Variants in HS3ST4 observed in about 807,000 individuals in gnomAD.
HS3ST4 encodes the protein heparan sulfate-glucosamine 3-sulfotransferase 4.
HS3ST4 carries 17 observed loss-of-function variants against 29.2 expected under a neutral mutation model. The ratio of observed to expected loss-of-function variants is 0.58; its 90% CI spans 0.40 to 0.87. The LOEUF is 0.87. Among genes scored for constraint, HS3ST4 ranks in the 40% least tolerant of loss-of-function variants. The pLI is 0.00. For synonymous variants in HS3ST4, 314 were observed against 285.7 expected, an observed-to-expected ratio of 1.10 and a Z score of -1.00; for missense variants, 627 against 634.5, an observed-to-expected ratio of 0.99 and a Z score of 0.13.
At chr16:25,765,356 C>T (rs1267060646) in intron 1 of HS3ST4, among the ~76,000 whole-genome samples, 1 of 152,170 alleles carries the variant, frequency 6.6e-6, no homozygotes, top group Non-Finnish European at 1.5e-5. Flanking sequence ...TTCAGATTGT[C>T]AAGACCCAAT....
chr16:25,877,514 G>T (rs1967844880), intron 1 of HS3ST4, among the ~76,000 whole-genome samples: 1 of 152,140 alleles, frequency 6.6e-6, no homozygotes, highest in African/African-American at 2.4e-5. Flanking sequence ...TTTGTTTCAT[G>T]ATGCTCCAGA....
intron 1 of HS3ST4, among the ~76,000 whole-genome samples, chr16:25,909,185 CTTTTTCT>C (rs1200966469): frequency 3.9e-5 from 6 of 152,082 alleles, no homozygotes; most frequent in Non-Finnish European, 8.8e-5. Flanking sequence ...TTCTGCATTT[CTTTTTCT>C]TTTTTCTTTT....
At chr16:26,051,078 A>C (rs1898336600) in intron 1 of HS3ST4, among the ~76,000 whole-genome samples, 1 of 152,146 alleles carries the variant, frequency 6.6e-6, no homozygotes, top group South Asian at 2.1e-4. Flanking sequence ...TGGTGGATTA[A>C]TACAGTGCAG....
chr16:25,795,264 C>T (rs1487787305), intron 1 of HS3ST4, among the ~76,000 whole-genome samples: 1 of 152,128 alleles, frequency 6.6e-6, no homozygotes, highest in African/African-American at 2.4e-5. Flanking sequence ...AGCCACCGCA[C>T]CTGGCCCCCC....
At position 25,729,023 on chromosome 16, in the gene HS3ST4, C is replaced by A. The variant is rs1345044237; in HGVS notation, c.734+35872C>A. Among the ~76,000 whole-genome samples the A allele has an allele frequency of 8.6e-5, 13 of 151,814 alleles. 1 individual carries two copies. The highest frequency in any genetic ancestry group is 8.5e-4 in the Admixed American group (13 of 15,244). On this transcript the variant is annotated intron_variant, in intron 1 of 1. Transcript: ENST00000331351. The stretch of plus-strand genomic sequence containing the variant: ...TCTTGAGCCCAGGAGTTTGAGACTG[C>A]AGTGAGCTATGACTGCACCACTGCA...
chr16:25,952,885 T>C (rs767685020), intron 1 of HS3ST4, among the ~76,000 whole-genome samples: 49 of 151,120 alleles, frequency 3.2e-4, no homozygotes, highest in Non-Finnish European at 4.7e-4. Flanking sequence ...CCTGAAATTC[T>C]ATGAGTTTGC....
chr16:26,080,386 C>T (rs565281747), intron 1 of HS3ST4, among the ~76,000 whole-genome samples: 3 of 152,176 alleles, frequency 2.0e-5, no homozygotes, highest in South Asian at 2.1e-4. Context: ...AGCCTGAGGA[C>T]GGACAGATCA....
At chr16:25,897,504 C>T (rs556528535) in intron 1 of HS3ST4, among the ~76,000 whole-genome samples, 28 of 152,308 alleles carry the variant, frequency 1.8e-4, no homozygotes, top group African/African-American at 4.8e-4. Flanking sequence ...TGGACACAGA[C>T]GGGCTGGCTA....
chr16:25,976,779 A>G (rs1469863993), intron 1 of HS3ST4, among the ~76,000 whole-genome samples: 1 of 152,128 alleles, frequency 6.6e-6, no homozygotes, highest in Non-Finnish European at 1.5e-5. Flanking sequence ...GATAATACAT[A>G]TTATTGGCTT....
At chr16:25,996,110 C>T (rs752168623) in intron 1 of HS3ST4, among the ~76,000 whole-genome samples, 17 of 151,548 alleles carry the variant, frequency 1.1e-4, no homozygotes, top group African/African-American at 3.2e-4. Flanking sequence ...AGCAAAGAAA[C>T]GATGAGAGAC....
At chr16:25,942,504 C>A (rs762969023) in intron 1 of HS3ST4, among the ~76,000 whole-genome samples, 1 of 152,156 alleles carries the variant, frequency 6.6e-6, no homozygotes, top group Non-Finnish European at 1.5e-5. Flanking sequence ...ACTTTCATCA[C>A]CCCAGGCTGG....
At chr16:25,847,720 T>C (rs963211052) in intron 1 of HS3ST4, among the ~76,000 whole-genome samples, 5 of 152,212 alleles carry the variant, frequency 3.3e-5, no homozygotes, top group African/African-American at 1.2e-4. Context: ...GTCAAGATTT[T>C]AAACATTTAT....
At chr16:25,834,228 A>G (rs112988002) in intron 1 of HS3ST4, among the ~76,000 whole-genome samples, 2 of 152,328 alleles carry the variant, frequency 1.3e-5, no homozygotes, top group South Asian at 2.1e-4. Context: ...AGCAACATCA[A>G]CATCACTTGG....
chr16:25,975,705 G>A (rs539565678), intron 1 of HS3ST4, among the ~76,000 whole-genome samples: 52 of 152,152 alleles, frequency 3.4e-4, no homozygotes, highest in Non-Finnish European at 4.0e-4. Flanking sequence ...CTCTTCTCAT[G>A]GGAAGAGAAA....
chr16:25,892,613 T>C (rs1017053591), intron 1 of HS3ST4, among the ~76,000 whole-genome samples: 1 of 152,168 alleles, frequency 6.6e-6, no homozygotes, highest in African/African-American at 2.4e-5. Flanking sequence ...AGAAACCTAG[T>C]CCCAACCAGC....
intron 1 of HS3ST4, among the ~76,000 whole-genome samples, chr16:25,801,715 G>A (rs1466155591): frequency 6.6e-6 from 1 of 152,000 alleles, no homozygotes; most frequent in Non-Finnish European, 1.5e-5. Context: ...TTGGGACATC[G>A]TCTTTGTCCA....
At chr16:26,121,144 C>T (rs1899270479) in intron 1 of HS3ST4, among the ~76,000 whole-genome samples, 1 of 152,142 alleles carries the variant, frequency 6.6e-6, no homozygotes, top group Non-Finnish European at 1.5e-5. Context: ...AGGAGGTCTT[C>T]CAAAGTTATT....
At chr16:25,854,115 C>T (rs1474594796) in intron 1 of HS3ST4, among the ~76,000 whole-genome samples, 2 of 137,742 alleles carry the variant, frequency 1.5e-5, no homozygotes, top group Non-Finnish European at 3.3e-5. Flanking sequence ...TTAGCCACTC[C>T]ATGTCTTTTT....
intron 1 of HS3ST4, among the ~76,000 whole-genome samples, chr16:25,703,029 C>T (rs1327112132): frequency 1.3e-5 from 2 of 152,060 alleles, no homozygotes; most frequent in African/African-American, 2.4e-5. Flanking sequence ...CATGGTGATG[C>T]GTGCCTGTAA....
Sources: gnomAD v4.1 joint callset for allele counts (sites outside exome capture counted in the v4.1 genomes callset) on GRCh38, gnomAD v4.1.1 for gene constraint, MANE v1.5 for transcripts, NCBI Gene and HGNC (gene_info 2026-07-23, HGNC 2026-07-21) for gene names.